FBXL17: variants seen among roughly 807,000 people sequenced by gnomAD.
The protein encoded by FBXL17 is F-box and leucine rich repeat protein 17.
FBXL17 carries 22 observed loss-of-function variants against 66.2 expected under a neutral mutation model. That is an observed-to-expected ratio of 0.33 (90% CI 0.24 to 0.47). The LOEUF (loss-of-function observed/expected upper bound fraction) is 0.47. Ranked by LOEUF, FBXL17 falls within the 20% of genes least tolerant of loss-of-function variation. The pLI, the probability that FBXL17 is intolerant of heterozygous loss-of-function variation, is 1.00. For synonymous variants in FBXL17, 474 were observed against 400.5 expected (o/e 1.18, Z -2.19); for missense variants, 878 against 948.2 (o/e 0.93, Z 0.97).
chr5:107,902,879 A>C (rs957784114), intron 7 of FBXL17, among the ~76,000 whole-genome samples: 9 of 152,132 alleles, frequency 5.9e-5, no homozygotes, highest in Admixed American at 3.9e-4. Context: ...TTGGTTGATA[A>C]TTGATCTCCA....
At chr5:107,966,114 T>C (rs1752129127) in intron 7 of FBXL17, among the ~76,000 whole-genome samples, 1 of 152,170 alleles carries the variant, frequency 6.6e-6, no homozygotes, top group Non-Finnish European at 1.5e-5. Context: ...AAAAAGCCTG[T>C]TGAAAACTTT....
chr5:108,161,173 CAT>C (rs1491342581), intron 6 of FBXL17, among the ~76,000 whole-genome samples: 4 of 151,718 alleles, frequency 2.6e-5, no homozygotes, highest in Non-Finnish European at 5.9e-5. Flanking sequence ...TACATACATA[CAT>C]ACATACATAC....
chr5:107,878,873 A>C (rs1340923524), intron 8 of FBXL17: 1 of 985,392 alleles, frequency 1.0e-6, no homozygotes, highest in African/African-American at 1.7e-5. Flanking sequence ...CCTGGGCTGC[A>C]CTGCAGCAGG....
intron 5 of FBXL17, among the ~76,000 whole-genome samples, chr5:108,220,171 G>A (rs1754797600): frequency 6.6e-6 from 1 of 151,476 alleles, no homozygotes; most frequent in East Asian, 1.9e-4. Flanking sequence ...CTTTACTCAT[G>A]GGTTATTTAG....
intron 6 of FBXL17, among the ~76,000 whole-genome samples, chr5:108,033,218 A>C (rs992040380): frequency 1.3e-5 from 2 of 152,132 alleles, no homozygotes; most frequent in African/African-American, 4.8e-5. Flanking sequence ...CTCTTTATTC[A>C]TCCCTGTATC....
At position 108,168,707 on chromosome 5, in the gene FBXL17, C is replaced by T. The variant is rs1397862227; in HGVS notation, c.1745+17410G>A. Among the ~76,000 whole-genome samples the T allele has an allele frequency of 2.0e-5, 3 of 152,234 alleles. No individual in the cohort carries two copies. The East Asian group carries it at 5.8e-4, about 29-fold the overall frequency. ...GAGAGTTGCGATTTAGGATTTCCTA[C>T]CACTTTGCATTACTATTCCATGTTC... On this transcript the variant is annotated intron_variant, in intron 6 of 8. Transcript: ENST00000542267.
At chr5:107,961,613 A>T (rs2112628853) in intron 7 of FBXL17, among the ~76,000 whole-genome samples, 1 of 152,330 alleles carries the variant, frequency 6.6e-6, no homozygotes, top group Middle Eastern at 3.4e-3. Flanking sequence ...CAGAAGAAGT[A>T]GTTACAAATT....
chr5:108,333,224 C>T (rs1363544760), intron 4 of FBXL17, among the ~76,000 whole-genome samples: 1 of 149,850 alleles, frequency 6.7e-6, no homozygotes, highest in African/African-American at 2.4e-5. Flanking sequence ...TTATAGCTAA[C>T]AGTAGTCTAT....
At chr5:107,968,599 A>C (rs1469539679) in intron 7 of FBXL17, among the ~76,000 whole-genome samples, 1 of 152,178 alleles carries the variant, frequency 6.6e-6, no homozygotes, top group Non-Finnish European at 1.5e-5. Flanking sequence ...GAATGTGATG[A>C]ATCATTACAA....
At chr5:108,269,928 C>G (rs1038935328) in intron 4 of FBXL17, among the ~76,000 whole-genome samples, 1 of 152,054 alleles carries the variant, frequency 6.6e-6, no homozygotes, top group Non-Finnish European at 1.5e-5. Context: ...ACTACTGTTG[C>G]TACAAATATC....
At chr5:108,123,046 C>T (rs1000867241) in intron 6 of FBXL17, among the ~76,000 whole-genome samples, 1 of 150,706 alleles carries the variant, frequency 6.6e-6, no homozygotes, top group African/African-American at 2.4e-5. Context: ...ACTTTTTATT[C>T]TTTGGCTGCA....
chr5:108,113,427 A>G (rs751458407), intron 6 of FBXL17, among the ~76,000 whole-genome samples: 2 of 152,204 alleles, frequency 1.3e-5, no homozygotes, highest in African/African-American at 2.4e-5. Context: ...ACATGTGTAT[A>G]TATGCTATAC....
chr5:107,918,431 T>C (rs1473148594), intron 7 of FBXL17, among the ~76,000 whole-genome samples: 1 of 152,184 alleles, frequency 6.6e-6, no homozygotes, highest in African/African-American at 2.4e-5. Flanking sequence ...CAGTATCTTC[T>C]GAATAATTTG....
At position 107,980,664 on chromosome 5, in the gene FBXL17, A is replaced by ATATATATTTTTTT; in HGVS notation, c.1822+40260_1822+40261insAAAAAAATATATA. 6.1e-4 allele frequency among the ~76,000 whole-genome samples: 38 copies of ATATATATTTTTTT among 62,064 alleles called. 3 individuals are homozygous for ATATATATTTTTTT. The highest frequency in any genetic ancestry group is 3.7e-3 in the African/African-American group (36 of 9,738). The allele number at this position is 62,064 out of a possible 152,430, so 40.7% of individuals were successfully genotyped here. ...TAAAATAATATATATATATATATAT[A>ATATATATTTTTTT]TTTTTTTTTTGAGATGGAGTCTTGC... On this transcript the variant is annotated intron_variant, in intron 7 of 8. Transcript: ENST00000542267.
At chr5:108,065,834 T>C (rs1015976990) in intron 6 of FBXL17, among the ~76,000 whole-genome samples, 6 of 151,958 alleles carry the variant, frequency 3.9e-5, no homozygotes, top group Admixed American at 2.0e-4. Context: ...AAAAAGAAAC[T>C]GTAAAAAGAG....
intron 4 of FBXL17, among the ~76,000 whole-genome samples, chr5:108,293,040 A>C (rs1758181281): frequency 6.6e-6 from 1 of 150,660 alleles, no homozygotes. Flanking sequence ...GTGAGCTGAG[A>C]TCACGCCACT....
chr5:107,986,138 T>A (rs893027481), intron 7 of FBXL17, among the ~76,000 whole-genome samples: 10 of 152,026 alleles, frequency 6.6e-5, no homozygotes, highest in African/African-American at 1.9e-4. Flanking sequence ...CCAACCATAA[T>A]AAATTTATGA....
At chr5:108,007,888 C>T (rs1453314815) in intron 7 of FBXL17, among the ~76,000 whole-genome samples, 2 of 152,126 alleles carry the variant, frequency 1.3e-5, no homozygotes, top group East Asian at 3.9e-4. Flanking sequence ...CCTCAAGGAC[C>T]TCCTCCAGCT....
At chr5:108,052,165 C>G (rs1747509188) in intron 6 of FBXL17, among the ~76,000 whole-genome samples, 2 of 151,242 alleles carry the variant, frequency 1.3e-5, no homozygotes, top group African/African-American at 4.9e-5. Flanking sequence ...AATGCCCTCT[C>G]TCACCACTCC....
Sources: allele counts gnomAD v4.1 joint callset (sites outside exome capture counted in the v4.1 genomes callset), GRCh38; gene constraint gnomAD v4.1.1; transcripts MANE v1.5; gene names NCBI Gene and HGNC (gene_info 2026-07-23, HGNC 2026-07-21).